Variants in FRMD4A observed in about 807,000 individuals in gnomAD.
The protein encoded by FRMD4A is FERM domain-containing protein 4A.
A neutral mutation model predicts 129.1 loss-of-function variants in FRMD4A; 29 were observed. The ratio of observed to expected loss-of-function variants is 0.22; its 90% CI spans 0.17 to 0.31. The LOEUF is 0.31. FRMD4A is among the 10% of genes least tolerant of loss of function. FRMD4A has a pLI of 1.00. For synonymous variants in FRMD4A, 634 were observed against 571.6 expected (o/e 1.11, Z -1.56); for missense variants, 1,272 against 1,375.8 (o/e 0.92, Z 1.19).
intron 2 of FRMD4A, among the ~76,000 whole-genome samples, chr10:14,281,214 G>T (rs1022455163): frequency 6.6e-6 from 1 of 151,844 alleles, no homozygotes; most frequent in African/African-American, 2.4e-5. Context: ...CTGGTCTCGA[G>T]CTCCTGAACT....
rs1020860 is a variant in FRMD4A, at chr10:14,004,959, A to C, written c.46-146047T>G. Among the ~76,000 whole-genome samples the C allele has an allele frequency of 2.6e-5, 4 of 151,804 alleles. No individual in the cohort carries two copies. The South Asian group carries it at 8.3e-4, about 32-fold the overall frequency. On this transcript the variant is annotated intron_variant, in intron 2 of 24. Transcript: ENST00000357447. ...ACTTCTAATTGTTTTATTTATATAA[A>C]CTTTACAGGCCTAATCTCTCCTCCC...
chr10:14,167,487 A>C (rs1841245346), intron 2 of FRMD4A, among the ~76,000 whole-genome samples: 1 of 135,610 alleles, frequency 7.4e-6, no homozygotes, highest in Admixed American at 8.3e-5. Context: ...CAGTGAGCTG[A>C]GATCATGCCA....
At chr10:14,324,651 C>CTATTTATT (rs10562916) in intron 2 of FRMD4A, among the ~76,000 whole-genome samples, 2,441 of 151,252 alleles carry the variant, frequency 0.016, 46 homozygotes, top group East Asian at 0.058. Flanking sequence ...TATCTTAATG[C>CTATTTATT]TATTTATTTA....
At position 14,330,481 on chromosome 10, in the gene FRMD4A, T is replaced by A. The variant is rs1456785966; in HGVS notation, c.-82+116A>T. The A allele has an allele frequency of 1.2e-5, 5 of 407,446 alleles. No homozygotes were observed. The Admixed American group carries it at 2.0e-4, about 17-fold the overall frequency. 25.2% of individuals were successfully genotyped at this position (407,446 alleles called of 1,614,324 possible). ...CCCTGGCAGCAATTCTTCCTTTAACTGACAATTAAAATAAAACATTCCCTA... is the reference window on the plus strand; with the variant it reads ...CCCTGGCAGCAATTCTTCCTTTAACAGACAATTAAAATAAAACATTCCCTA... On this transcript the variant is annotated intron_variant, in intron 1 of 24. Transcript: ENST00000357447.
At chr10:14,187,988 T>C (rs1354354189) in intron 2 of FRMD4A, among the ~76,000 whole-genome samples, 1 of 152,116 alleles carries the variant, frequency 6.6e-6, no homozygotes, top group Non-Finnish European at 1.5e-5. Flanking sequence ...TAGTGTCCTA[T>C]TGGGAAGGTA....
chr10:14,007,071 A>G (rs765392031), intron 2 of FRMD4A: 2 of 152,138 alleles, frequency 1.3e-5, no homozygotes, highest in South Asian at 2.1e-4. Context: ...ATCGCTGAGT[A>G]GTAAGTTATA....
At chr10:14,112,848 T>G (rs1350238549) in intron 2 of FRMD4A, among the ~76,000 whole-genome samples, 2 of 152,184 alleles carry the variant, frequency 1.3e-5, no homozygotes, top group Non-Finnish European at 2.9e-5. Context: ...TTTTTTTCTT[T>G]CCAAATTCAA....
In FRMD4A at chr10:13,789,659, C is replaced by A. The variant is rs1055013748; in HGVS notation, c.300-6653G>T. Among the ~76,000 whole-genome samples, 86 of 150,892 alleles carry A rather than the reference C, an allele frequency of 5.7e-4. 1 individual carries two copies. The highest frequency in any genetic ancestry group is 1.2e-3 in the East Asian group (6 of 5,096). On this transcript the variant is annotated intron_variant, in intron 5 of 24. Coordinates refer to ENST00000357447, the MANE Select transcript of FRMD4A (RefSeq NM_018027.5). Reference sequence around the variant, plus strand: ...TTTCTTGACCTATTTCTAAAGCTTGCCTGGTGAACAATATCAGAGAGACAT... The same window carrying A: ...TTTCTTGACCTATTTCTAAAGCTTGACTGGTGAACAATATCAGAGAGACAT...
intron 2 of FRMD4A, chr10:14,087,444 T>C (rs567345985): frequency 6.6e-6 from 1 of 151,880 alleles, no homozygotes; most frequent in South Asian, 2.1e-4. Flanking sequence ...TAAAGTACTT[T>C]GTATATTTTC....
At chr10:14,183,228 G>C (rs1589137354) in intron 2 of FRMD4A, among the ~76,000 whole-genome samples, 1 of 152,168 alleles carries the variant, frequency 6.6e-6, no homozygotes, top group Admixed American at 6.5e-5. Context: ...AAAGTTATGT[G>C]TCATGCACGA....
At chr10:14,138,663 G>A (rs755777535) in intron 2 of FRMD4A, among the ~76,000 whole-genome samples, 8 of 152,038 alleles carry the variant, frequency 5.3e-5, no homozygotes, top group Non-Finnish European at 1.0e-4. Context: ...AGGAGGCTGA[G>A]GCAGGAGAAT....
intron 2 of FRMD4A, among the ~76,000 whole-genome samples, chr10:14,241,425 T>C (rs1428406728): frequency 1.3e-5 from 2 of 152,140 alleles, no homozygotes; most frequent in African/African-American, 2.4e-5. Context: ...GACAACTTTG[T>C]ATTCAGGTGA....
chr10:14,096,814 C>T (rs1229885081), intron 2 of FRMD4A, among the ~76,000 whole-genome samples: 2 of 152,116 alleles, frequency 1.3e-5, no homozygotes, highest in Non-Finnish European at 2.9e-5. Flanking sequence ...TGTTTAGCTG[C>T]ATTACATCTT....
At chr10:13,988,717 T>A (rs1040437615) in intron 2 of FRMD4A, among the ~76,000 whole-genome samples, 5 of 152,208 alleles carry the variant, frequency 3.3e-5, no homozygotes, top group African/African-American at 1.2e-4. Context: ...GATAGATAGA[T>A]GGATGAACAG....
At chr10:14,159,831 C>A (rs766348277) in intron 2 of FRMD4A, among the ~76,000 whole-genome samples, 1 of 152,174 alleles carries the variant, frequency 6.6e-6, no homozygotes, top group African/African-American at 2.4e-5. Flanking sequence ...AGGCGGATTG[C>A]CTGAGCTGAG....
chr10:14,125,700 G>C (rs951935098), intron 2 of FRMD4A, among the ~76,000 whole-genome samples: 2 of 151,442 alleles, frequency 1.3e-5, no homozygotes, highest in Non-Finnish European at 2.9e-5. Flanking sequence ...GGGGAATCCA[G>C]TCTCTCTCTC....
At chr10:13,870,535 C>T (rs557456879) in intron 2 of FRMD4A, among the ~76,000 whole-genome samples, 30 of 152,288 alleles carry the variant, frequency 2.0e-4, no homozygotes, top group East Asian at 5.8e-4. Context: ...GCATTCAGCC[C>T]GGTGCTGGGG....
At chr10:13,912,522 T>TG (rs1182004064) in intron 2 of FRMD4A, among the ~76,000 whole-genome samples, 27 of 834 alleles carry the variant, frequency 0.032, 10 homozygotes, top group Non-Finnish European at 0.097. Flanking sequence ...ATAATAGAAT[T>TG]TTTTTTTTTT....
At chr10:13,647,872 T>A (rs1188526692) in intron 24 of FRMD4A, 1 of 151,982 alleles carries the variant, frequency 6.6e-6, no homozygotes, top group Non-Finnish European at 1.5e-5. Context: ...AAAAACAGCC[T>A]CTCTTCAATG....
Sources: gnomAD v4.1 joint callset for allele counts (sites outside exome capture counted in the v4.1 genomes callset) on GRCh38, gnomAD v4.1.1 for gene constraint, MANE v1.5 for transcripts, NCBI Gene and HGNC (gene_info 2026-07-23, HGNC 2026-07-21) for gene names.